Variants in SORCS2 observed in about 807,000 individuals in gnomAD.
SORCS2 encodes the protein VPS10 domain-containing receptor SorCS2.
SORCS2 carries 100 observed loss-of-function variants against 141.6 expected under a neutral mutation model. The observed-to-expected ratio is 0.71, with a 90% CI of 0.60 to 0.83. The LOEUF (loss-of-function observed/expected upper bound fraction) is 0.83. Ranked by LOEUF, SORCS2 falls within the 40% of genes least tolerant of loss-of-function variation. The pLI is 0.00. For synonymous variants in SORCS2, 789 were observed against 676.9 expected (o/e 1.17, Z -2.57); for missense variants, 1,646 against 1,560.2 (o/e 1.05, Z -0.93).
intron 1 of SORCS2, among the ~76,000 whole-genome samples, chr4:7,195,653 T>A (rs1369988867): frequency 1.3e-5 from 2 of 152,228 alleles, no homozygotes; most frequent in East Asian, 3.9e-4. Flanking sequence ...ATCATTGCCT[T>A]AGTGCTTGTT....
At chr4:7,547,750 G>A (rs1252985900) in intron 3 of SORCS2, among the ~76,000 whole-genome samples, 1 of 152,198 alleles carries the variant, frequency 6.6e-6, no homozygotes, top group Non-Finnish European at 1.5e-5. Flanking sequence ...ACCTGCATGT[G>A]CCTGTCTGGG....
rs148915571 is a variant in SORCS2 at position 7,301,720 on chromosome 4, C to A, written c.481-94568C>A. On this transcript the variant is annotated intron_variant, in intron 1 of 26. Coordinates refer to ENST00000507866, the MANE Select transcript of SORCS2 (RefSeq NM_020777.3). ...GCAGAAAATGCATTTCCTGAAACTA[C>A]CAAAATGAGGTGAAGATGGGCAATT... is the stretch of plus-strand genomic sequence containing the variant. Among the ~76,000 whole-genome samples, 707 of 152,326 alleles carry A rather than the reference C, an allele frequency of 4.6e-3. 5 individuals carry two copies. The highest frequency in any genetic ancestry group is 6.0e-3 in the Non-Finnish European group (407 of 68,040).
At chr4:7,526,088 C>T (rs1733679777) in intron 2 of SORCS2, among the ~76,000 whole-genome samples, 1 of 152,264 alleles carries the variant, frequency 6.6e-6, no homozygotes, top group African/African-American at 2.4e-5. Flanking sequence ...CAGCACTCTT[C>T]CCAAACAGCA....
intron 8 of SORCS2, 57 bp from the exon 9 acceptor site, chr4:7,675,993 T>C: frequency 1.3e-6 from 2 of 1,534,852 alleles, no homozygotes; most frequent in South Asian, 2.4e-5. Context: ...TGCTTCTTCC[T>C]CCCTCGTGCA....
chr4:7,552,798 T>G (rs960562290), intron 3 of SORCS2, among the ~76,000 whole-genome samples: 1 of 152,130 alleles, frequency 6.6e-6, no homozygotes, highest in African/African-American at 2.4e-5. Context: ...GCTCTGTATT[T>G]GTACAGTCTA....
chr4:7,320,339 T>C (rs1718820535), intron 1 of SORCS2, among the ~76,000 whole-genome samples: 1 of 152,222 alleles, frequency 6.6e-6, no homozygotes, highest in Admixed American at 6.5e-5. Flanking sequence ...GTGTGCCTTC[T>C]ACCATCCAGA....
chr4:7,712,795 C>T lies in SORCS2; in HGVS notation c.1931C>T (p.Ser644Leu), dbSNP rs1725913206. Residue 644 changes from serine (S) to leucine (L), a missense_variant, in exon 15 of 27, where the codon TCA becomes TTA. Ser to Leu is a moderately radical substitution (Grantham distance 145). Transcript: ENST00000507866. ...CTGGTCAAGGTGGACTTCCGGCCCT[C>T]ATTCTCCAGGCAGTGCGGCGAGGAG... ...WELVKVDFRPSFSRQCGEEDY... is the reference protein window; with the variant it reads ...WELVKVDFRPLFSRQCGEEDY... 2 of 1,613,784 alleles carry T rather than the reference C, an allele frequency of 1.2e-6. No individual in the cohort carries two copies. Among genetic ancestry groups the T allele is most frequent in the African/African-American group, 1.3e-5 (1 of 74,926 alleles).
intron 3 of SORCS2, among the ~76,000 whole-genome samples, chr4:7,538,355 G>A (rs1016650984): frequency 1.3e-5 from 2 of 152,118 alleles, no homozygotes; most frequent in African/African-American, 4.8e-5. Flanking sequence ...GGCCCTGGGG[G>A]CCCTGACGAC....
rs149609938 is a variant in SORCS2, at chr4:7,282,113, C to T, written c.480+88987C>T. Among the ~76,000 whole-genome samples, 535 of 152,314 alleles carry T rather than the reference C, an allele frequency of 3.5e-3. 2 individuals are homozygous for T. Among genetic ancestry groups the T allele is most frequent in the Middle Eastern group, 6.8e-3 (2 of 294 alleles). Reference sequence around the variant, plus strand: ...GGTTTCACTACTGTGGTTTTTCCCACGGAACTCAGCCCCGGGCCACCTTCA... The same window carrying T: ...GGTTTCACTACTGTGGTTTTTCCCATGGAACTCAGCCCCGGGCCACCTTCA... On this transcript the variant is annotated intron_variant, in intron 1 of 26. Coordinates refer to ENST00000507866, the MANE Select transcript of SORCS2 (RefSeq NM_020777.3).
intron 17 of SORCS2, among the ~76,000 whole-genome samples, chr4:7,716,520 C>G (rs1308659639): frequency 2.7e-5 from 4 of 149,564 alleles, no homozygotes; most frequent in Admixed American, 1.3e-4. Context: ...ATTCATCTAT[C>G]CATCCACCAT....
chr4:7,692,313 G>A (rs1208971527), intron 11 of SORCS2, among the ~76,000 whole-genome samples: 6 of 152,244 alleles, frequency 3.9e-5, no homozygotes, highest in African/African-American at 9.6e-5. Context: ...TGCCCACCCC[G>A]CCGTTCATTC....
chr4:7,604,097 T>C (rs1395673059), intron 3 of SORCS2, among the ~76,000 whole-genome samples: 2 of 152,036 alleles, frequency 1.3e-5, no homozygotes, highest in Non-Finnish European at 2.9e-5. Flanking sequence ...TGTGTGTACT[T>C]TTCTCCTCCT....
chr4:7,440,520 C>T (rs191344627), intron 2 of SORCS2, among the ~76,000 whole-genome samples: 6 of 152,388 alleles, frequency 3.9e-5, no homozygotes, highest in East Asian at 1.9e-4. Flanking sequence ...CAGTGCCACA[C>T]GCTACCGTTC....
At chr4:7,396,418 A>C (rs1724219002) in intron 2 of SORCS2, 63 bp downstream of exon 2, 1 of 1,559,382 alleles carries the variant, frequency 6.4e-7, no homozygotes, top group South Asian at 1.1e-5. Flanking sequence ...CCAGGCTCTC[A>C]GCTGAGGACC....
chr4:7,469,273 G>GTGATGA (rs112815163), intron 2 of SORCS2, among the ~76,000 whole-genome samples: 1 of 151,650 alleles, frequency 6.6e-6, no homozygotes, highest in Non-Finnish European at 1.5e-5. Flanking sequence ...GGTGGTGTTG[G>GTGATGA]TGATGATGAT....
intron 1 of SORCS2, among the ~76,000 whole-genome samples, chr4:7,362,661 G>A (rs1400403185): frequency 6.6e-6 from 1 of 151,796 alleles, no homozygotes; most frequent in Non-Finnish European, 1.5e-5. Flanking sequence ...GTGGCAGGGT[G>A]AGGGCAGTGC....
chr4:7,293,889 C>T lies in SORCS2; in HGVS notation c.480+100763C>T, dbSNP rs577415592. ...ACTTTTCAGCCAGGACTTGGCTATT[C>T]CGAGGCGCTGTCCAGCAGGGCGCAT... On this transcript the variant is annotated intron_variant, in intron 1 of 26. Transcript: ENST00000507866. Among the ~76,000 whole-genome samples, 26 of 152,314 alleles carry T rather than the reference C, an allele frequency of 1.7e-4. No homozygotes were observed. In the South Asian group the frequency reaches 5.2e-3, roughly 30 times the overall value.
intron 3 of SORCS2, among the ~76,000 whole-genome samples, chr4:7,620,144 T>G (rs968911962): frequency 2.6e-5 from 4 of 152,170 alleles, no homozygotes; most frequent in Non-Finnish European, 5.9e-5. Flanking sequence ...GCACCTCTTC[T>G]GCGGATTGCG....
chr4:7,472,079 G>C (rs1338765879), intron 2 of SORCS2, among the ~76,000 whole-genome samples: 1 of 152,224 alleles, frequency 6.6e-6, no homozygotes, highest in Non-Finnish European at 1.5e-5. Context: ...TGCACTGGGG[G>C]GCTGTGACCA....
Sources: gnomAD v4.1 joint callset for allele counts (sites outside exome capture counted in the v4.1 genomes callset) on GRCh38, gnomAD v4.1.1 for gene constraint, MANE v1.5 for transcripts, NCBI Gene and HGNC (gene_info 2026-07-23, HGNC 2026-07-21) for gene names.